Variants in EEF1AKMT1 observed in about 807,000 individuals in gnomAD.
EEF1AKMT1 encodes the protein EEF1A lysine methyltransferase 1, also known as N-6 adenine-specific DNA methyltransferase 2 (putative).
EEF1AKMT1 carries 18 observed loss-of-function variants against 21.0 expected under a neutral mutation model. That is an observed-to-expected ratio of 0.86 (90% CI 0.59 to 1.27). EEF1AKMT1 has a LOEUF of 1.27. EEF1AKMT1 is among the 50% of genes most tolerant of loss of function. The pLI is 0.00. For missense variants in EEF1AKMT1, 246 were observed against 258.6 expected, an observed-to-expected ratio of 0.95 and a Z score of 0.33; for synonymous variants, 109 against 94.8, an observed-to-expected ratio of 1.15 and a Z score of -0.87.
In EEF1AKMT1 at chr13:20,732,049, G is replaced by A; in HGVS notation, c.300C>T (p.Tyr100=). 6.2e-7 allele frequency: 1 copy of A among 1,614,172 alleles called. No homozygotes were observed. Among genetic ancestry groups the A allele is most frequent in the Non-Finnish European group, 8.5e-7 (1 of 1,180,030 alleles). Residue 100 remains tyrosine (Y), a synonymous_variant, in exon 4 of 5, where the codon TAC becomes TAT. Transcript: ENST00000382758. ...RELCRENFSI[Y]IFEYDKRFAM... is the part of the protein sequence containing the mutation. ...CAAATCTTTTGTCATATTCAAAGATGTATATCGAAAAGTTTTCTCTGCACA... is the reference window on the plus strand; with the variant it reads ...CAAATCTTTTGTCATATTCAAAGATATATATCGAAAAGTTTTCTCTGCACA...
Position 20,764,917 on chromosome 13 carries a change from A to ACACACACACACACC in EEF1AKMT1, c.-19-7301_-19-7300insGGTGTGTGTGTGTG, listed in dbSNP as rs71087097. 5.5e-4 allele frequency among the ~76,000 whole-genome samples: 81 copies of ACACACACACACACC among 146,394 alleles called. 2 individuals are homozygous for ACACACACACACACC. In the East Asian group the frequency reaches 0.016, roughly 29 times the overall value. On this transcript the variant is annotated intron_variant, in intron 1 of 4. Transcript: ENST00000382758. ...CACACACACACACACACACACACACACCCTAATTTTGAAGTGAGTTTCTTG... is the reference window on the plus strand; with the variant it reads ...CACACACACACACACACACACACACACACACACACACACCCCCTAATTTTGAAGTGAGTTTCTTG...
intron 1 of EEF1AKMT1, among the ~76,000 whole-genome samples, chr13:20,758,102 T>C (rs945938229): frequency 1.3e-5 from 2 of 152,176 alleles, no homozygotes; most frequent in Non-Finnish European, 2.9e-5. Flanking sequence ...GATAATCCCC[T>C]TCCCTTTCCA....
intron 2 of EEF1AKMT1, among the ~76,000 whole-genome samples, chr13:20,748,565 T>A (rs2058921128): frequency 6.6e-6 from 1 of 152,110 alleles, no homozygotes; most frequent in Admixed American, 6.5e-5. Flanking sequence ...CTTTCTCTGA[T>A]CATTTATTGC....
At chr13:20,733,569 C>A (rs371180199) in intron 3 of EEF1AKMT1, among the ~76,000 whole-genome samples, 3 of 152,244 alleles carry the variant, frequency 2.0e-5, no homozygotes. Context: ...TGAAGCAGCC[C>A]TCTCTATGCT....
At chr13:20,767,163 G>A (rs61956461) in intron 1 of EEF1AKMT1, among the ~76,000 whole-genome samples, 348 of 151,370 alleles carry the variant, frequency 2.3e-3, no homozygotes, top group South Asian at 7.8e-3. Context: ...AAAATTAGCC[G>A]GGCGTTGTGG....
chr13:20,756,439 CAT>C (rs1439758246), intron 2 of EEF1AKMT1, among the ~76,000 whole-genome samples: 1 of 152,140 alleles, frequency 6.6e-6, no homozygotes, highest in Non-Finnish European at 1.5e-5. Context: ...TTTTTCAATA[CAT>C]GTTTAAGTTC....
At chr13:20,762,355 T>C (rs1292240339) in intron 1 of EEF1AKMT1, among the ~76,000 whole-genome samples, 1 of 151,390 alleles carries the variant, frequency 6.6e-6, no homozygotes, top group African/African-American at 2.4e-5. Context: ...CCCAGCTAAA[T>C]TTTTTTGCAT....
At chr13:20,749,785 TA>T (rs931671051) in intron 2 of EEF1AKMT1, among the ~76,000 whole-genome samples, 65 of 152,366 alleles carry the variant, frequency 4.3e-4, no homozygotes, top group African/African-American at 1.3e-3. Context: ...TGTATCACTC[TA>T]TTTTTAAAAG....
intron 3 of EEF1AKMT1, 112 bp downstream of exon 3, chr13:20,737,611 G>T: frequency 2.2e-6 from 2 of 893,476 alleles, no homozygotes; most frequent in South Asian, 1.6e-5. Flanking sequence ...TGCAAACCAT[G>T]ATCTACAATA....
rs1444347409 is a variant in EEF1AKMT1 at position 20,730,510 on chromosome 13, T to C, written c.509-1294A>G. Among the ~76,000 whole-genome samples, 4 of 151,036 alleles carry C rather than the reference T, an allele frequency of 2.6e-5. No homozygotes were observed. In the East Asian group the frequency reaches 5.8e-4, roughly 22 times the overall value. ...GTTGGTAAGGTTTCAGTTCTCAGAA[T>C]TTTTTTTTCTTTGAGACAATCTTGC... On this transcript the variant is annotated intron_variant, in intron 4 of 4. Coordinates refer to ENST00000382758, the MANE Select transcript of EEF1AKMT1 (RefSeq NM_001318939.2).
At chr13:20,735,953 G>A (rs368209639) in intron 3 of EEF1AKMT1, among the ~76,000 whole-genome samples, 2 of 152,102 alleles carry the variant, frequency 1.3e-5, no homozygotes, top group South Asian at 2.1e-4. Flanking sequence ...CTCCCAGAAA[G>A]TAGACAATGA....
chr13:20,769,477 G>A (rs1207333553), intron 1 of EEF1AKMT1: 1 of 152,078 alleles, frequency 6.6e-6, no homozygotes, highest in African/African-American at 2.4e-5. Context: ...TATCCCTTCG[G>A]GAAGCCAGAT....
chr13:20,743,501 C>G (rs2058884352), intron 2 of EEF1AKMT1, among the ~76,000 whole-genome samples: 1 of 151,414 alleles, frequency 6.6e-6, no homozygotes. Context: ...CACTTTCTCT[C>G]AGTGGGTTTC....
In EEF1AKMT1 at chr13:20,757,556, G is replaced by A. The variant is rs772597833; in HGVS notation, c.43C>T (p.His15Tyr). 3 of 1,614,032 alleles carry A rather than the reference G, an allele frequency of 1.9e-6. No homozygotes were observed. The highest frequency in any genetic ancestry group is 2.5e-6 in the Non-Finnish European group (3 of 1,179,942). ...EDDETPQLSA[H>Y]ALAALQEFYA... ...AATTCCTGGAGAGCTGCTAAGGCAT[G>A]GGCAGAAAGCTGGGGTGTCTCATCA... The change falls in exon 2 of 5, where the codon CAT becomes TAT. Residue 15 changes from histidine to tyrosine, a missense_variant. By Grantham distance (83) the His-to-Tyr change is moderately conservative. Transcript: ENST00000382758.
At chr13:20,764,999 C>A (rs1026192365) in intron 1 of EEF1AKMT1, among the ~76,000 whole-genome samples, 2 of 151,792 alleles carry the variant, frequency 1.3e-5, no homozygotes, top group Non-Finnish European at 2.9e-5. Flanking sequence ...CAGTGGCTCA[C>A]GCCTGTTATC....
chr13:20,763,412 G>A (rs960960032), intron 1 of EEF1AKMT1, among the ~76,000 whole-genome samples: 59 of 151,580 alleles, frequency 3.9e-4, no homozygotes, highest in African/African-American at 1.3e-3. Flanking sequence ...CCCAGTCTAC[G>A]GTATTTTGTT....
At chr13:20,733,093 ACT>A (rs1491533984) in intron 3 of EEF1AKMT1, among the ~76,000 whole-genome samples, 2 of 101,308 alleles carry the variant, frequency 2.0e-5, no homozygotes, top group African/African-American at 3.7e-5. Flanking sequence ...ACTGTGATAC[ACT>A]TTTTTTTTTT....
intron 3 of EEF1AKMT1, among the ~76,000 whole-genome samples, chr13:20,737,454 T>C (rs1020976633): frequency 2.6e-5 from 4 of 152,204 alleles, no homozygotes; most frequent in African/African-American, 9.6e-5. Flanking sequence ...AGGTAAGATA[T>C]TCTCTTTTGA....
chr13:20,760,473 C>T (rs78130801), intron 1 of EEF1AKMT1, among the ~76,000 whole-genome samples: 6 of 152,072 alleles, frequency 3.9e-5, no homozygotes, highest in East Asian at 3.9e-4. Flanking sequence ...CACTTGTAGA[C>T]GGGAGCTAAA....
Sources: gnomAD v4.1 joint callset for allele counts (sites outside exome capture counted in the v4.1 genomes callset) on GRCh38, gnomAD v4.1.1 for gene constraint, MANE v1.5 for transcripts, NCBI Gene and HGNC (gene_info 2026-07-23, HGNC 2026-07-21) for gene names.